Variants in FER observed in about 807,000 individuals in gnomAD.
The protein encoded by FER is tyrosine-protein kinase Fer.
A neutral mutation model predicts 111.0 loss-of-function variants in FER; 63 were observed. The ratio of observed to expected loss-of-function variants is 0.57; its 90% CI spans 0.46 to 0.70. The LOEUF is 0.70. Ranked by LOEUF, FER falls within the 30% of genes least tolerant of loss-of-function variation. FER has a pLI of 0.00. For synonymous variants in FER, 327 were observed against 313.9 expected (o/e 1.04, Z -0.44); for missense variants, 914 against 954.0 (o/e 0.96, Z 0.55).
At chr5:109,174,375 C>A (rs1757463158) in intron 17 of FER, among the ~76,000 whole-genome samples, 1 of 152,216 alleles carries the variant, frequency 6.6e-6, no homozygotes, top group Non-Finnish European at 1.5e-5. Context: ...TGGTCAATCT[C>A]TGATCCCATC....
chr5:108,992,134 CT>C (rs1763269232), intron 13 of FER, among the ~76,000 whole-genome samples: 1 of 152,108 alleles, frequency 6.6e-6, no homozygotes, highest in Non-Finnish European at 1.5e-5. Flanking sequence ...TTGCACCGCC[CT>C]TAATCCATTT....
intron 17 of FER, among the ~76,000 whole-genome samples, chr5:109,107,931 G>C (rs936716570): frequency 6.6e-6 from 1 of 152,000 alleles, no homozygotes; most frequent in African/African-American, 2.4e-5. Flanking sequence ...TCAAATTATG[G>C]ACACAAATAA....
At chr5:109,022,682 A>G (rs916776082) in intron 13 of FER, among the ~76,000 whole-genome samples, 1 of 152,124 alleles carries the variant, frequency 6.6e-6, no homozygotes, top group Non-Finnish European at 1.5e-5. Context: ...AGTTTCTCTG[A>G]GGAGACACGA....
chr5:109,121,993 T>C (rs1223529580), intron 17 of FER, among the ~76,000 whole-genome samples: 1 of 152,064 alleles, frequency 6.6e-6, no homozygotes, highest in Non-Finnish European at 1.5e-5. Flanking sequence ...TTTCTTAGTC[T>C]GGCTAAAGGT....
intron 3 of FER, among the ~76,000 whole-genome samples, chr5:108,819,502 T>G (rs1410254858): frequency 6.6e-6 from 1 of 152,220 alleles, no homozygotes; most frequent in Non-Finnish European, 1.5e-5. Flanking sequence ...TATCTGACAT[T>G]CAAACTCCAC....
chr5:109,032,351 A>G (rs982313201), intron 13 of FER, among the ~76,000 whole-genome samples: 2 of 152,164 alleles, frequency 1.3e-5, no homozygotes, highest in Admixed American at 1.3e-4. Flanking sequence ...CACTGAACAC[A>G]CTTACATTTC....
At position 109,024,527 on chromosome 5, in the gene FER, C is replaced by G. The variant is rs528566266; in HGVS notation, c.1657-12895C>G. Among the ~76,000 whole-genome samples the G allele has an allele frequency of 7.9e-4, 121 of 152,268 alleles. 1 individual carries two copies. The South Asian group carries it at 0.016, about 21-fold the overall frequency. On this transcript the variant is annotated intron_variant, in intron 13 of 19. Coordinates refer to ENST00000281092, the MANE Select transcript of FER (RefSeq NM_005246.4). ...CCACTGGGGACAGTGCCAAGCCCAT[C>G]TGATAGAGACCCCTTCTTCATAATG...
chr5:108,964,622 A>G (rs1039354175), intron 13 of FER, among the ~76,000 whole-genome samples: 15 of 152,202 alleles, frequency 9.9e-5, no homozygotes, highest in African/African-American at 3.6e-4. Context: ...TAATTTAATA[A>G]TTAATACATA....
chr5:108,894,866 G>A (rs1311020415), intron 9 of FER, among the ~76,000 whole-genome samples: 1 of 151,974 alleles, frequency 6.6e-6, no homozygotes, highest in African/African-American at 2.4e-5. Context: ...GCACAGAAAA[G>A]ACCCCCCATC....
At position 109,009,886 on chromosome 5, in the gene FER, G is replaced by T. The variant is rs529116911; in HGVS notation, c.1657-27536G>T. Reference sequence around the variant, plus strand: ...ACAGTGTCATGATCTGTTAAACACGGGTAGTGTTTTAAGACAGTGAAGATG... The same window carrying T: ...ACAGTGTCATGATCTGTTAAACACGTGTAGTGTTTTAAGACAGTGAAGATG... On this transcript the variant is annotated intron_variant, in intron 13 of 19. Transcript: ENST00000281092. Among the ~76,000 whole-genome samples, 36 of 152,228 alleles carry T rather than the reference G, an allele frequency of 2.4e-4. No individual in the cohort carries two copies. The East Asian group carries it at 7.0e-3, about 29-fold the overall frequency.
intron 16 of FER, among the ~76,000 whole-genome samples, chr5:109,047,769 C>T (rs1772200654): frequency 6.6e-6 from 1 of 152,116 alleles, no homozygotes; most frequent in Non-Finnish European, 1.5e-5. Context: ...ATAATAATCT[C>T]ACAATGCTTT....
chr5:108,986,537 G>T (rs1242227277), intron 13 of FER, among the ~76,000 whole-genome samples: 1 of 151,996 alleles, frequency 6.6e-6, no homozygotes, highest in Non-Finnish European at 1.5e-5. Context: ...GTGTCTAGAA[G>T]TGTTTTTCTG....
At chr5:108,847,662 T>C (rs185825131) in intron 5 of FER, among the ~76,000 whole-genome samples, 10 of 152,270 alleles carry the variant, frequency 6.6e-5, no homozygotes, top group Admixed American at 4.6e-4. Context: ...GTTCTATCAG[T>C]TTTTACTTTA....
intron 10 of FER, among the ~76,000 whole-genome samples, chr5:108,934,152 ATGAC>A (rs764315629): frequency 2.0e-5 from 3 of 152,110 alleles, no homozygotes; most frequent in Non-Finnish European, 4.4e-5. Flanking sequence ...TTTTGAATGA[ATGAC>A]TGATGCCCAG....
chr5:109,103,394 T>C (rs573464660), intron 17 of FER, among the ~76,000 whole-genome samples: 2 of 152,160 alleles, frequency 1.3e-5, no homozygotes, highest in Non-Finnish European at 2.9e-5. Flanking sequence ...TTAGCTTTGT[T>C]TTATTGTTTT....
At chr5:109,003,696 A>G (rs534394884) in intron 13 of FER, among the ~76,000 whole-genome samples, 5 of 152,254 alleles carry the variant, frequency 3.3e-5, no homozygotes, top group African/African-American at 1.2e-4. Context: ...TTAAAAAATT[A>G]TAGCCAGGCA....
chr5:108,990,736 AATTATTCAGTGAAATAG>A (rs1227831650), intron 13 of FER, among the ~76,000 whole-genome samples: 2 of 151,756 alleles, frequency 1.3e-5, no homozygotes, highest in Admixed American at 6.6e-5. Context: ...AATGAAGAGT[AATTATTCAGTGAAATAG>A]ATGAGTCATC....
intron 11 of FER, among the ~76,000 whole-genome samples, chr5:108,948,234 T>C (rs940440248): frequency 6.6e-6 from 1 of 152,034 alleles, no homozygotes; most frequent in Non-Finnish European, 1.5e-5. Flanking sequence ...AATGTAGAGC[T>C]CCCTTTAAAG....
intron 9 of FER, among the ~76,000 whole-genome samples, chr5:108,884,513 T>G (rs1746767020): frequency 1.4e-5 from 1 of 69,228 alleles, no homozygotes; most frequent in Admixed American, 1.2e-4. Flanking sequence ...TTATGCCTGG[T>G]TTTTTTTTTG....
Sources: allele counts gnomAD v4.1 joint callset (sites outside exome capture counted in the v4.1 genomes callset), GRCh38; gene constraint gnomAD v4.1.1; transcripts MANE v1.5; gene names NCBI Gene and HGNC (gene_info 2026-07-23, HGNC 2026-07-21).